SLC9A1: variants seen among roughly 807,000 people sequenced by gnomAD.
SLC9A1 encodes solute carrier family 9 member A1, also known as sodium/hydrogen exchanger 1.
A neutral mutation model predicts 67.9 loss-of-function variants in SLC9A1; 22 were observed. That is an observed-to-expected ratio of 0.32 (90% CI 0.23 to 0.46). The LOEUF (loss-of-function observed/expected upper bound fraction) is 0.46, where lower values mean the gene tolerates loss of function less well. SLC9A1 is among the 20% of genes least tolerant of loss of function. The probability of loss-of-function intolerance (pLI) is 1.00; values close to 1 mark genes in which losing one functional copy is unlikely to be tolerated. For missense variants in SLC9A1, 686 were observed against 1,094.8 expected (o/e 0.63, Z 5.27); for synonymous variants, 421 against 471.8 (o/e 0.89, Z 1.40).
chr1:27,125,991 C>T (rs1434118637), intron 1 of SLC9A1, among the ~76,000 whole-genome samples: 1 of 152,162 alleles, frequency 6.6e-6, no homozygotes, highest in African/African-American at 2.4e-5. Context: ...CTCACTGTCC[C>T]CTAGCTCTAC....
rs2083129976 is a variant in SLC9A1 at position 27,100,163 on chromosome 1, G to A, written c.*144C>T. 1.0e-5 allele frequency: 6 copies of A among 583,698 alleles called. No individual in the cohort carries two copies. The highest frequency in any genetic ancestry group is 1.5e-5 in the Non-Finnish European group (5 of 343,960). The allele number at this position is 583,698 out of a possible 1,614,324, so 36.2% of individuals were successfully genotyped here. A position where few individuals can be genotyped will look rare whatever the true frequency, so the allele number is the denominator to read the frequency against. ...GGCGGCAGGGGAGGAGCTGTGCTGG[G>A]GTGGGGGCTGTGGGCCCAGCTGCCA... On this transcript the variant is annotated 3_prime_UTR_variant, in exon 12 of 12. Coordinates refer to ENST00000263980, the MANE Select transcript of SLC9A1 (RefSeq NM_003047.5). The surrounding 1 kb of genome is among the most constrained non-coding windows in gnomAD (Gnocchi z 5.6).
chr1:27,130,168 T>G (rs1410124620), intron 1 of SLC9A1, among the ~76,000 whole-genome samples: 1 of 152,236 alleles, frequency 6.6e-6, no homozygotes, highest in African/African-American at 2.4e-5. Flanking sequence ...TGGCACAATC[T>G]TGGCTCACTG....
chr1:27,109,429 G>A lies in SLC9A1; in HGVS notation c.1064+98C>T. 3.8e-6 allele frequency: 5 copies of A among 1,321,358 alleles called. 1 individual carries two copies. In the South Asian group the frequency reaches 5.0e-5, roughly 13 times the overall value. The allele number at this position is 1,321,358 out of a possible 1,614,324, so 81.9% of individuals were successfully genotyped here. A position where few individuals can be genotyped will look rare whatever the true frequency, so the allele number is the denominator to read the frequency against. ...TCTCATCCCTGGAGCTCAAGGCTGG[G>A]CCCTGGGAGCTCCGTGAACCTACGA... On this transcript the variant is annotated intron_variant, in intron 3 of 11. Coordinates refer to ENST00000263980, the MANE Select transcript of SLC9A1 (RefSeq NM_003047.5). This position sits in a 1 kb window ranked among gnomAD's most constrained non-coding sequence, Gnocchi z 5.5.
chr1:27,148,420 G>A lies in SLC9A1; in HGVS notation c.352+5563C>T, dbSNP rs536295857. Among the ~76,000 whole-genome samples, 4 of 151,972 alleles carry A rather than the reference G, an allele frequency of 2.6e-5. No individual in the cohort carries two copies. The East Asian group carries it at 7.8e-4, about 29-fold the overall frequency. ...GGTGTCCCTCCTGACAACAATCCAG[G>A]TTACCAATGTGGATGTGTCTGGTCA... On this transcript the variant is annotated intron_variant, in intron 1 of 11. Coordinates refer to ENST00000263980, the MANE Select transcript of SLC9A1 (RefSeq NM_003047.5).
intron 1 of SLC9A1, among the ~76,000 whole-genome samples, chr1:27,150,154 A>G (rs2083516982): frequency 6.6e-6 from 1 of 152,136 alleles, no homozygotes; most frequent in African/African-American, 2.4e-5. Context: ...TTCTAGTGTC[A>G]TTTTTATAGG....
intron 1 of SLC9A1, among the ~76,000 whole-genome samples, chr1:27,138,338 T>TAGA (rs2083432628): frequency 1.3e-5 from 2 of 152,216 alleles, no homozygotes; most frequent in South Asian, 4.1e-4. Flanking sequence ...AGAGAACCCT[T>TAGA]GCTGGCCATC....
intron 1 of SLC9A1, among the ~76,000 whole-genome samples, chr1:27,122,967 T>C (rs1570865148): frequency 9.9e-6 from 1 of 101,048 alleles, no homozygotes; most frequent in Non-Finnish European, 2.0e-5. Context: ...TGCCAGGCAG[T>C]GGGGTGCTTA....
rs1010731440 is a variant in SLC9A1 at position 27,106,624 on chromosome 1, G to A, written c.1283-537C>T. Among the ~76,000 whole-genome samples, 5 of 152,104 alleles carry A rather than the reference G, an allele frequency of 3.3e-5. No individual in the cohort carries two copies. Among genetic ancestry groups the A allele is most frequent in the African/African-American group, 1.2e-4 (5 of 41,416 alleles). On this transcript the variant is annotated intron_variant, in intron 4 of 11. Coordinates refer to ENST00000263980, the MANE Select transcript of SLC9A1 (RefSeq NM_003047.5). The surrounding 1 kb of genome is among the most constrained non-coding windows in gnomAD (Gnocchi z 4.3). ...TGGGGACATGGACCTAACCCTCAGA[G>A]AGGAAGTGAGAGATCCAGGGAGGAG...
intron 1 of SLC9A1, among the ~76,000 whole-genome samples, chr1:27,144,747 G>C (rs561668292): frequency 3.4e-4 from 52 of 152,348 alleles, no homozygotes; most frequent in African/African-American, 1.2e-3. Context: ...GGTGGCTCAC[G>C]CCTTTAATCT....
intron 1 of SLC9A1, among the ~76,000 whole-genome samples, chr1:27,120,404 G>T (rs1016568991): frequency 6.6e-6 from 1 of 151,602 alleles, no homozygotes; most frequent in African/African-American, 2.4e-5. Flanking sequence ...GAGATTACAG[G>T]CGTGAGCCAC....
intron 2 of SLC9A1, among the ~76,000 whole-genome samples, chr1:27,110,873 G>C (rs557676982): frequency 3.3e-5 from 5 of 152,218 alleles, no homozygotes; most frequent in Non-Finnish European, 5.9e-5. Flanking sequence ...TCCAGGCCTG[G>C]GGGAAGGGAG....
At chr1:27,149,368 G>A (rs2083511584) in intron 1 of SLC9A1, among the ~76,000 whole-genome samples, 1 of 152,214 alleles carries the variant, frequency 6.6e-6, no homozygotes, top group Admixed American at 6.5e-5. Flanking sequence ...GCAAAACAGA[G>A]ACAGCTTTTA....
At chr1:27,144,240 G>A (rs1456983919) in intron 1 of SLC9A1, among the ~76,000 whole-genome samples, 2 of 152,128 alleles carry the variant, frequency 1.3e-5, no homozygotes, top group African/African-American at 4.8e-5. Context: ...TGCAGTTTAC[G>A]GCTTGAGGAA....
Position 27,102,019 on chromosome 1 carries a change from C to T in SLC9A1, c.1932G>A (p.Gln644=). ...GGGCTGGGGAGCAGGCCCTCACCCG[C>T]TGCCTGGTCTTCTGCAAGTTGTTCC... is the stretch of plus-strand genomic sequence containing the variant. ...ILRNNLQKTR[Q]RLRSYNRHTL... Residue 644 remains glutamine (Q), a synonymous_variant, in exon 9 of 12, where the codon CAG becomes CAA. Coordinates refer to ENST00000263980, the MANE Select transcript of SLC9A1 (RefSeq NM_003047.5). 6.2e-7 allele frequency: 1 copy of T among 1,609,950 alleles called. No individual in the cohort carries two copies.
At position 27,101,492 on chromosome 1, in the gene SLC9A1, A is replaced by G. The variant is rs2083144395; in HGVS notation, c.2038-217T>C. Among the ~76,000 whole-genome samples, 1 of 152,140 alleles carries G rather than the reference A, an allele frequency of 6.6e-6. No individual in the cohort carries two copies. The highest frequency in any genetic ancestry group is 1.5e-5 in the Non-Finnish European group (1 of 68,014). On this transcript the variant is annotated intron_variant, in intron 10 of 11. Transcript: ENST00000263980. The surrounding 1 kb of genome is among the most constrained non-coding windows in gnomAD (Gnocchi z 4.9). The stretch of plus-strand genomic sequence containing the variant: ...CTCCCTGAATACACCTACACTGCTC[A>G]GCCTTAAATCCACCCATTCCTCTGT...
chr1:27,133,601 G>T (rs1384057466), intron 1 of SLC9A1, among the ~76,000 whole-genome samples: 1 of 152,060 alleles, frequency 6.6e-6, no homozygotes, highest in Non-Finnish European at 1.5e-5. Context: ...AGGTTTAGAG[G>T]TAGTTAGGAC....
intron 1 of SLC9A1, among the ~76,000 whole-genome samples, chr1:27,123,963 A>AT (rs1251996516): frequency 6.6e-6 from 1 of 152,060 alleles, no homozygotes; most frequent in African/African-American, 2.4e-5. Flanking sequence ...AGTAGCTGGG[A>AT]TTACAGGTGT....
At chr1:27,116,988 T>C (rs543839541) in intron 1 of SLC9A1, among the ~76,000 whole-genome samples, 2 of 152,196 alleles carry the variant, frequency 1.3e-5, no homozygotes, top group East Asian at 3.9e-4. Context: ...TCAGGAAGCA[T>C]TCCCTGACCA....
chr1:27,137,835 TC>T lies in SLC9A1; in HGVS notation c.352+16147del, dbSNP rs1222321922. 6.6e-6 allele frequency among the ~76,000 whole-genome samples: 1 copy of T among 151,942 alleles called. No homozygotes were observed. Among genetic ancestry groups the T allele is most frequent in the Non-Finnish European group, 1.5e-5 (1 of 67,958 alleles). On this transcript the variant is annotated intron_variant, in intron 1 of 11. Transcript: ENST00000263980. The surrounding 1 kb of genome is among the most constrained non-coding windows in gnomAD (Gnocchi z 4.6). ...CAGAGCCTGGTGCCCACTCAGCCCC[TC>T]CCTCCCCAATGTGCCCCTGACTCCA... is the stretch of plus-strand genomic sequence containing the variant.
Sources: gnomAD v4.1 joint callset for allele counts (sites outside exome capture counted in the v4.1 genomes callset) on GRCh38, gnomAD v4.1.1 for gene constraint, Gnocchi (gnomAD v3.1) non-coding constraint, MANE v1.5 for transcripts, NCBI Gene and HGNC (gene_info 2026-07-23, HGNC 2026-07-21) for gene names.